The following GRM1 variants were observed in gnomAD, a reference collection of about 807,000 sequenced individuals.
GRM1 encodes the protein metabotropic glutamate receptor 1.
Under a neutral mutation model 90.9 loss-of-function variants are expected in GRM1, and 33 were observed. The ratio of observed to expected loss-of-function variants is 0.36; its 90% CI spans 0.28 to 0.49. The LOEUF (loss-of-function observed/expected upper bound fraction) is 0.49, where lower values mean the gene tolerates loss of function less well. Among genes scored for constraint, GRM1 ranks in the 20% least tolerant of loss-of-function variants. The pLI, the probability that GRM1 is intolerant of heterozygous loss-of-function variation, is 0.99. For synonymous variants in GRM1, 700 were observed against 613.2 expected, an observed-to-expected ratio of 1.14 and a Z score of -2.09; for missense variants, 1,190 against 1,534.3, an observed-to-expected ratio of 0.78 and a Z score of 3.75.
intron 2 of GRM1, among the ~76,000 whole-genome samples, chr6:146,299,498 A>G (rs906178274): frequency 2.0e-5 from 3 of 152,058 alleles, no homozygotes; most frequent in African/African-American, 7.2e-5. Flanking sequence ...TCAAAAGCCA[A>G]TTTTTCTTCA....
intron 3 of GRM1, among the ~76,000 whole-genome samples, chr6:146,314,326 T>C (rs560034552): frequency 1.5e-4 from 23 of 152,090 alleles, no homozygotes; most frequent in African/African-American, 5.5e-4. Context: ...TCCACCTGCC[T>C]TGGCCTCCCA....
intron 1 of GRM1, among the ~76,000 whole-genome samples, chr6:146,033,496 G>T (rs146200190): frequency 1.3e-5 from 2 of 152,082 alleles, no homozygotes; most frequent in African/African-American, 2.4e-5. Context: ...GTAGCTACAA[G>T]AATTTTTTTT....
chr6:146,352,879 A>G (rs544240897), intron 4 of GRM1, among the ~76,000 whole-genome samples: 70 of 152,220 alleles, frequency 4.6e-4, no homozygotes, highest in African/African-American at 1.5e-3. Flanking sequence ...GATTGACTAT[A>G]TACCATTCTG....
At chr6:146,168,173 A>ATG (rs756929651) in intron 2 of GRM1, among the ~76,000 whole-genome samples, 13 of 152,062 alleles carry the variant, frequency 8.5e-5, no homozygotes, top group Admixed American at 8.5e-4. Flanking sequence ...AATGTAATAT[A>ATG]TGTGTGTGTG....
chr6:146,243,452 T>C (rs1162120161), intron 2 of GRM1, among the ~76,000 whole-genome samples: 5 of 152,068 alleles, frequency 3.3e-5, no homozygotes, highest in Non-Finnish European at 4.4e-5. Context: ...GCCAGAATTA[T>C]AGAATAGTCA....
At chr6:146,125,110 T>C (rs1038865418) in intron 1 of GRM1, among the ~76,000 whole-genome samples, 1 of 152,166 alleles carries the variant, frequency 6.6e-6, no homozygotes, top group Non-Finnish European at 1.5e-5. Context: ...TATATTTCTT[T>C]GGTAACTGCC....
chr6:146,172,597 A>T (rs963707601), intron 2 of GRM1, among the ~76,000 whole-genome samples: 1 of 152,134 alleles, frequency 6.6e-6, no homozygotes, highest in Non-Finnish European at 1.5e-5. Context: ...AGAGATTGGT[A>T]GATTGAGGGA....
intron 2 of GRM1, among the ~76,000 whole-genome samples, chr6:146,270,908 T>TCTTTCTTTCTTC (rs1782119375): frequency 9.6e-6 from 1 of 104,394 alleles, no homozygotes; most frequent in East Asian, 2.4e-4. Context: ...TTTCTTTCTT[T>TCTTTCTTTCTTC]CTTTCTTCCT....
At chr6:146,137,149 G>A (rs531267770) in intron 1 of GRM1, among the ~76,000 whole-genome samples, 206 of 152,134 alleles carry the variant, frequency 1.4e-3, no homozygotes, top group African/African-American at 4.4e-3. Context: ...TACCATGCCC[G>A]GCCGCAGAAG....
At chr6:146,241,602 T>C (rs1401993489) in intron 2 of GRM1, among the ~76,000 whole-genome samples, 1 of 152,124 alleles carries the variant, frequency 6.6e-6, no homozygotes, top group Non-Finnish European at 1.5e-5. Context: ...CTCCCTTAGG[T>C]TCCCAAGGTT....
intron 2 of GRM1, among the ~76,000 whole-genome samples, chr6:146,211,227 C>G (rs148291079): frequency 3.3e-5 from 5 of 151,672 alleles, no homozygotes; most frequent in African/African-American, 4.8e-5. Context: ...TGTCTTTGGC[C>G]CAGAGAGTTT....
intron 1 of GRM1, among the ~76,000 whole-genome samples, chr6:146,043,806 T>C (rs945194388): frequency 1.4e-5 from 2 of 145,090 alleles, no homozygotes; most frequent in East Asian, 4.0e-4. Flanking sequence ...TATATATATA[T>C]ATATAAAGGG....
chr6:146,272,316 A>G (rs540399250), intron 2 of GRM1, among the ~76,000 whole-genome samples: 2 of 152,352 alleles, frequency 1.3e-5, no homozygotes, highest in African/African-American at 4.8e-5. Flanking sequence ...TTTATCATAT[A>G]GGTTTCAAAT....
At chr6:146,269,074 A>C (rs957615850) in intron 2 of GRM1, among the ~76,000 whole-genome samples, 1 of 152,224 alleles carries the variant, frequency 6.6e-6, no homozygotes, top group Non-Finnish European at 1.5e-5. Context: ...GTAAGTACAG[A>C]AAAACCAACA....
At chr6:146,085,858 T>C (rs752551088) in intron 1 of GRM1, among the ~76,000 whole-genome samples, 3 of 152,104 alleles carry the variant, frequency 2.0e-5, no homozygotes, top group Non-Finnish European at 4.4e-5. Context: ...GGACTTGAGT[T>C]TTTTTGGATA....
At chr6:146,073,834 G>A (rs1413033917) in intron 1 of GRM1, among the ~76,000 whole-genome samples, 1 of 152,148 alleles carries the variant, frequency 6.6e-6, no homozygotes, top group Admixed American at 6.6e-5. Context: ...ATTGCATTGT[G>A]AGGAAAAAAT....
chr6:146,354,880 A>G (rs1244266967), intron 4 of GRM1, among the ~76,000 whole-genome samples: 2 of 152,202 alleles, frequency 1.3e-5, no homozygotes, highest in African/African-American at 4.8e-5. Flanking sequence ...AAATGAAGTC[A>G]GTATTTTTCC....
chr6:146,103,334 G>T (rs1777112524), intron 1 of GRM1, among the ~76,000 whole-genome samples: 1 of 152,158 alleles, frequency 6.6e-6, no homozygotes, highest in African/African-American at 2.4e-5. Context: ...GGCTGTCAGA[G>T]CCCTTCAGGG....
chr6:146,327,727 G>T (rs1265166202), intron 3 of GRM1, among the ~76,000 whole-genome samples: 1 of 152,052 alleles, frequency 6.6e-6, no homozygotes, highest in Non-Finnish European at 1.5e-5. Context: ...ATCCTACAGG[G>T]CTCTTCTCCA....
Sources: gnomAD v4.1 joint callset for allele counts (sites outside exome capture counted in the v4.1 genomes callset) on GRCh38, gnomAD v4.1.1 for gene constraint, MANE v1.5 for transcripts, NCBI Gene and HGNC (gene_info 2026-07-23, HGNC 2026-07-21) for gene names.